ACTN4: variants seen among roughly 807,000 people sequenced by gnomAD.
ACTN4 encodes alpha-actinin-4.
In ACTN4, 18 loss-of-function variants were observed where a neutral mutation model predicts 114.2. The ratio of observed to expected loss-of-function variants is 0.16; its 90% CI spans 0.11 to 0.23. The LOEUF is 0.23. Among genes scored for constraint, ACTN4 ranks in the 10% least tolerant of loss-of-function variants. The pLI, the probability that ACTN4 is intolerant of heterozygous loss-of-function variation, is 1.00. For synonymous variants in ACTN4, 515 were observed against 506.3 expected, an observed-to-expected ratio of 1.02 and a Z score of -0.23; for missense variants, 722 against 1,262.9, an observed-to-expected ratio of 0.57 and a Z score of 6.49.
Position 38,729,762 on chromosome 19 carries a change from C to A in ACTN4, c.*330C>A. On this transcript the variant is annotated 3_prime_UTR_variant, in exon 21 of 21. Transcript: ENST00000252699. ...TTCCATGCCCTGGGATGCCTCACCA[C>A]ACCCAGGTCTCTTCCTTTGCTCTGA... The A allele has an allele frequency of 1.9e-6, 1 of 529,090 alleles. No individual in the cohort carries two copies. The highest frequency in any genetic ancestry group is 3.6e-6 in the Non-Finnish European group (1 of 277,502). 32.8% of individuals were successfully genotyped at this position (529,090 alleles called of 1,614,324 possible).
intron 2 of ACTN4, 27 bp from the exon 3 acceptor site, chr19:38,700,975 C>T (rs1269253108): frequency 5.0e-6 from 8 of 1,612,058 alleles, no homozygotes; most frequent in Non-Finnish European, 5.9e-6. Flanking sequence ...TGTCTCGCCC[C>T]CTCTTTTCTC....
At chr19:38,681,359 C>T (rs73933041) in intron 1 of ACTN4, among the ~76,000 whole-genome samples, 7,149 of 152,014 alleles carry the variant, frequency 0.047, 258 homozygotes, top group African/African-American at 0.091. Context: ...GCTCCCTAGA[C>T]CCTACCTTTC....
At chr19:38,708,043 G>T (rs1968517893) in intron 5 of ACTN4, 74 bp from the exon 6 acceptor site, 2 of 1,435,246 alleles carry the variant, frequency 1.4e-6, no homozygotes, top group African/African-American at 2.8e-5. Flanking sequence ...TCACTGCTGT[G>T]GGTGCACAGG....
At chr19:38,689,275 A>G (rs1185026378) in intron 1 of ACTN4, among the ~76,000 whole-genome samples, 1 of 152,264 alleles carries the variant, frequency 6.6e-6, no homozygotes, top group Non-Finnish European at 1.5e-5. Context: ...ATGCTACAAC[A>G]TGGCTGAACC....
intron 1 of ACTN4, among the ~76,000 whole-genome samples, chr19:38,654,540 C>T (rs1471165434): frequency 3.6e-5 from 5 of 140,484 alleles, no homozygotes; most frequent in African/African-American, 5.3e-5. Flanking sequence ...CCAGCCTGGA[C>T]GACAGAGTAA....
chr19:38,653,414 A>T (rs898074346), intron 1 of ACTN4, among the ~76,000 whole-genome samples: 7 of 137,264 alleles, frequency 5.1e-5, no homozygotes, highest in Non-Finnish European at 6.4e-5. Context: ...GTTGTTCTTT[A>T]AAAAAAAAAA....
rs745380705 is a variant in ACTN4, at chr19:38,721,692, C to G, written c.1442+4C>G. On this transcript the variant is annotated splice_donor_region_variant and intron_variant, in intron 12 of 20. Transcript: ENST00000252699. Reference sequence around the variant, plus strand: ...CCGCCATTGCCCAGGAGCTCAAGTACGTGCGGGCTCAGGACACTATCATCA... The same window carrying G: ...CCGCCATTGCCCAGGAGCTCAAGTAGGTGCGGGCTCAGGACACTATCATCA... 1 of 1,612,298 alleles carries G rather than the reference C, an allele frequency of 6.2e-7. No homozygotes were observed. Among genetic ancestry groups the G allele is most frequent in the Non-Finnish European group, 8.5e-7 (1 of 1,180,022 alleles).
intron 1 of ACTN4, among the ~76,000 whole-genome samples, chr19:38,673,306 T>C (rs1040650084): frequency 6.6e-6 from 1 of 150,884 alleles, no homozygotes; most frequent in African/African-American, 2.4e-5. Context: ...TGCTGAGTAA[T>C]GAGATGTGAA....
rs770833759 is a variant in ACTN4, at chr19:38,728,954, C to T, written c.2419-42C>T. ...AGTGTGGGCCTGGCTGCCCCTGCCC[C>T]ACTAAATGTCGGGTGTCCCCCACCC... On this transcript the variant is annotated intron_variant, in intron 19 of 20. Transcript: ENST00000252699. 1.9e-6 allele frequency: 3 copies of T among 1,610,944 alleles called. No individual in the cohort carries two copies. In the East Asian group the frequency reaches 6.7e-5, roughly 36 times the overall value.
Position 38,730,680 on chromosome 19 carries a change from A to T in ACTN4, c.*1248A>T. On this transcript the variant is annotated 3_prime_UTR_variant, in exon 21 of 21. Coordinates refer to ENST00000252699, the MANE Select transcript of ACTN4 (RefSeq NM_004924.6). ...AGGGCTGTCGCTGTTCTTGTTTCTG[A>T]GTGAGGAGTACGCAGGCCAGAGTGG... 1 of 706,686 alleles carries T rather than the reference A, an allele frequency of 1.4e-6. No homozygotes were observed. The allele number at this position is 706,686 out of a possible 1,614,324, so 43.8% of individuals were successfully genotyped here. A position where few individuals can be genotyped will look rare whatever the true frequency, so the allele number is the denominator to read the frequency against.
intron 1 of ACTN4, among the ~76,000 whole-genome samples, chr19:38,680,212 G>GTTTTTT (rs75920199): frequency 5.6e-5 from 7 of 124,332 alleles, no homozygotes; most frequent in East Asian, 5.4e-4. Flanking sequence ...AGCTCAGGAA[G>GTTTTTT]TTTTTTTTTT....
In ACTN4 at chr19:38,724,603, C is replaced by G. The variant is rs1969169591; in HGVS notation, c.2010+38C>G. 6.2e-7 allele frequency: 1 copy of G among 1,612,122 alleles called. No individual in the cohort carries two copies. The highest frequency in any genetic ancestry group is 1.7e-5 in the Admixed American group (1 of 60,004). ...TGAGCCCCACAGAGCTGAGAAGGTT[C>G]CAAGAGAGCTCCCGTAGTGAGGGGG... On this transcript the variant is annotated intron_variant, in intron 16 of 20. Transcript: ENST00000252699. The surrounding 1 kb of genome is among the most constrained non-coding windows in gnomAD (Gnocchi z 7.0).
intron 11 of ACTN4, among the ~76,000 whole-genome samples, chr19:38,719,197 CTG>C (rs1968949389): frequency 6.6e-6 from 1 of 152,232 alleles, no homozygotes; most frequent in Admixed American, 6.5e-5. Flanking sequence ...CTTCAGAAAG[CTG>C]CCAGTGCCTG....
At chr19:38,668,806 G>T (rs1486836254) in intron 1 of ACTN4, among the ~76,000 whole-genome samples, 3 of 152,238 alleles carry the variant, frequency 2.0e-5, no homozygotes, top group African/African-American at 7.2e-5. Context: ...ACTTACTGAA[G>T]TAAACCCATT....
chr19:38,716,940 TGGA>T (rs1364284388), intron 9 of ACTN4, 143 bp from the exon 10 acceptor site: 4 of 879,222 alleles, frequency 4.5e-6, no homozygotes, highest in Non-Finnish European at 7.2e-6. Flanking sequence ...GCAGGAATCG[TGGA>T]GAAGTTGGGC....
At chr19:38,652,564 C>A (rs1976596951) in intron 1 of ACTN4, among the ~76,000 whole-genome samples, 1 of 152,152 alleles carries the variant, frequency 6.6e-6, no homozygotes. Context: ...GTTCCGGCTT[C>A]TAAGACCAAC....
intron 1 of ACTN4, among the ~76,000 whole-genome samples, chr19:38,688,426 C>T (rs571616388): frequency 1.1e-4 from 16 of 144,160 alleles, no homozygotes; most frequent in African/African-American, 3.5e-4. Flanking sequence ...CAAAAATTAG[C>T]TGGACATGGT....
chr19:38,704,902 C>T (rs1328736310), intron 3 of ACTN4, 32 bp from the exon 4 acceptor site: 48 of 1,604,792 alleles, frequency 3.0e-5, no homozygotes, highest in Non-Finnish European at 3.7e-5. Context: ...TTTTAACGAC[C>T]TTCTGCCCTC....
intron 1 of ACTN4, among the ~76,000 whole-genome samples, chr19:38,685,752 C>T (rs1568702673): frequency 1.3e-5 from 2 of 152,132 alleles, no homozygotes; most frequent in Admixed American, 1.3e-4. Context: ...GGGATGCCCA[C>T]CCTGAGACAC....
Sources: allele counts gnomAD v4.1 joint callset (sites outside exome capture counted in the v4.1 genomes callset), GRCh38; gene constraint gnomAD v4.1.1; non-coding constraint Gnocchi (gnomAD v3.1); transcripts MANE v1.5; gene names NCBI Gene and HGNC (gene_info 2026-07-23, HGNC 2026-07-21).